The following TLL2 variants were observed in gnomAD, a reference collection of about 807,000 sequenced individuals.
TLL2 encodes tolloid-like protein 2.
Under a neutral mutation model 123.0 loss-of-function variants are expected in TLL2, and 106 were observed. The observed-to-expected ratio is 0.86, with a 90% CI of 0.74 to 1.01. The LOEUF is 1.01. TLL2 is among the 50% of genes least tolerant of loss of function. TLL2 has a pLI of 0.00. For synonymous variants in TLL2, 494 were observed against 516.8 expected, an observed-to-expected ratio of 0.96 and a Z score of 0.60; for missense variants, 1,332 against 1,336.7, an observed-to-expected ratio of 1.00 and a Z score of 0.06.
At chr10:96,427,876 T>C (rs898458589) in intron 5 of TLL2, among the ~76,000 whole-genome samples, 3 of 152,072 alleles carry the variant, frequency 2.0e-5, no homozygotes, top group African/African-American at 7.2e-5. Context: ...CTCACTGCAA[T>C]CTCTGCCTCC....
At chr10:96,483,385 C>T (rs957990198) in intron 1 of TLL2, among the ~76,000 whole-genome samples, 2 of 152,298 alleles carry the variant, frequency 1.3e-5, no homozygotes, top group East Asian at 1.9e-4. Context: ...CCATCCTAGG[C>T]GCCTCTTGCA....
chr10:96,421,267 C>T (rs1846618007), intron 6 of TLL2, among the ~76,000 whole-genome samples: 1 of 152,168 alleles, frequency 6.6e-6, no homozygotes, highest in African/African-American at 2.4e-5. Context: ...CCAACCCCAC[C>T]ACCCAAGACC....
chr10:96,417,974 G>A (rs1846581040), intron 7 of TLL2, among the ~76,000 whole-genome samples: 1 of 152,238 alleles, frequency 6.6e-6, no homozygotes, highest in South Asian at 2.1e-4. Flanking sequence ...TGTAACACTA[G>A]CAGGAGGGGC....
At chr10:96,381,491 C>G (rs1453482089) in intron 16 of TLL2, among the ~76,000 whole-genome samples, 1 of 152,204 alleles carries the variant, frequency 6.6e-6, no homozygotes, top group Non-Finnish European at 1.5e-5. Flanking sequence ...TGTGCTCACA[C>G]TGCCTCCCCT....
intron 1 of TLL2, among the ~76,000 whole-genome samples, chr10:96,495,776 T>G (rs1025639040): frequency 6.6e-6 from 1 of 152,102 alleles, no homozygotes; most frequent in African/African-American, 2.4e-5. Flanking sequence ...GGGTAGGGTC[T>G]GTTTAGTATG....
chr10:96,399,558 C>T (rs1846373916), intron 10 of TLL2, among the ~76,000 whole-genome samples: 2 of 152,172 alleles, frequency 1.3e-5, no homozygotes, highest in Admixed American at 6.5e-5. Flanking sequence ...AGATGAAACT[C>T]CTGCCAAGAA....
intron 13 of TLL2, among the ~76,000 whole-genome samples, chr10:96,390,223 A>G (rs1387099912): frequency 6.6e-6 from 1 of 152,262 alleles, no homozygotes; most frequent in African/African-American, 2.4e-5. Flanking sequence ...TTGTTCAGAG[A>G]AAGTTAAGGA....
chr10:96,456,896 G>A (rs1847021891), intron 2 of TLL2, among the ~76,000 whole-genome samples: 1 of 152,190 alleles, frequency 6.6e-6, no homozygotes, highest in South Asian at 2.1e-4. Flanking sequence ...GCTTGCTGGA[G>A]GCAGCATTAA....
intron 1 of TLL2, among the ~76,000 whole-genome samples, chr10:96,503,098 T>C (rs2134115307): frequency 6.6e-6 from 1 of 152,262 alleles, no homozygotes; most frequent in South Asian, 2.1e-4. Flanking sequence ...ATTTGGTTTA[T>C]GTGTCATCCT....
chr10:96,404,589 A>G (rs1379548835), intron 10 of TLL2, among the ~76,000 whole-genome samples: 1 of 152,134 alleles, frequency 6.6e-6, no homozygotes, highest in African/African-American at 2.4e-5. Context: ...TGGTTTGAAT[A>G]ATTTTGGACA....
At chr10:96,503,177 A>G (rs1330610242) in intron 1 of TLL2, among the ~76,000 whole-genome samples, 1 of 152,136 alleles carries the variant, frequency 6.6e-6, no homozygotes, top group Non-Finnish European at 1.5e-5. Context: ...CATGCTATGT[A>G]TCCCAGGAGA....
intron 2 of TLL2, among the ~76,000 whole-genome samples, chr10:96,455,439 C>T (rs1190971046): frequency 6.6e-6 from 1 of 152,058 alleles, no homozygotes; most frequent in African/African-American, 2.4e-5. Flanking sequence ...GCCTACTGGG[C>T]TGCATTCCCA....
intron 10 of TLL2, among the ~76,000 whole-genome samples, chr10:96,404,994 A>G (rs755539777): frequency 2.6e-5 from 4 of 152,220 alleles, no homozygotes; most frequent in Non-Finnish European, 5.9e-5. Flanking sequence ...AGCTTTGCAC[A>G]CTTCCTTAAT....
intron 16 of TLL2, among the ~76,000 whole-genome samples, chr10:96,379,944 G>A (rs572138460): frequency 1.5e-4 from 23 of 152,304 alleles, no homozygotes; most frequent in South Asian, 2.1e-4. Context: ...ACTCCACCCC[G>A]CCCTCTGCAC....
chr10:96,385,489 A>T (rs1222715887), intron 15 of TLL2, among the ~76,000 whole-genome samples: 1 of 152,112 alleles, frequency 6.6e-6, no homozygotes, highest in Non-Finnish European at 1.5e-5. Context: ...GAGCTACACC[A>T]GTACTATTCT....
chr10:96,387,554 G>T (rs1288539763), intron 13 of TLL2, among the ~76,000 whole-genome samples: 1 of 152,192 alleles, frequency 6.6e-6, no homozygotes, highest in African/African-American at 2.4e-5. Context: ...ATTAGAGACA[G>T]AATCTGTTAT....
intron 3 of TLL2, among the ~76,000 whole-genome samples, chr10:96,436,780 G>A (rs1846799681): frequency 6.6e-6 from 1 of 151,718 alleles, no homozygotes; most frequent in Non-Finnish European, 1.5e-5. Flanking sequence ...CTGCCTCCTG[G>A]GTTCAAGCCA....
At chr10:96,369,751 GAAAAAAAAGAAAAAA>G in intron 20 of TLL2, among the ~76,000 whole-genome samples, 1 of 141,060 alleles carries the variant, frequency 7.1e-6, no homozygotes, top group East Asian at 2.2e-4. Flanking sequence ...CGTCTCGGGG[GAAAAAAAAGAAAAAA>G]AAAAAAAAGG....
At chr10:96,466,505 C>T (rs191348602) in intron 2 of TLL2, among the ~76,000 whole-genome samples, 1 of 152,226 alleles carries the variant, frequency 6.6e-6, no homozygotes, top group African/African-American at 2.4e-5. Context: ...CCCACTGAGG[C>T]TCTTCAGGTT....
Sources: allele counts gnomAD v4.1 joint callset (sites outside exome capture counted in the v4.1 genomes callset), GRCh38; gene constraint gnomAD v4.1.1; transcripts MANE v1.5; gene names NCBI Gene and HGNC (gene_info 2026-07-23, HGNC 2026-07-21).